The following GFI1B variants were observed in gnomAD, a reference collection of about 807,000 sequenced individuals.
The protein encoded by GFI1B is growth factor independent 1B transcriptional repressor.
GFI1B carries 20 observed loss-of-function variants against 35.3 expected under a neutral mutation model. The observed-to-expected ratio is 0.57, with a 90% CI of 0.40 to 0.82. The LOEUF (loss-of-function observed/expected upper bound fraction) is 0.82, where lower values mean the gene tolerates loss of function less well. Among genes scored for constraint, GFI1B ranks in the 40% least tolerant of loss-of-function variants. The pLI is 0.00. For missense variants in GFI1B, 430 were observed against 446.3 expected (o/e 0.96, Z 0.33); for synonymous variants, 178 against 177.6 (o/e 1.00, Z -0.02).
chr9:132,971,847 G>A (rs1223927371), intron 1 of GFI1B, among the ~76,000 whole-genome samples: 2 of 151,954 alleles, frequency 1.3e-5, no homozygotes, highest in Admixed American at 1.3e-4. Flanking sequence ...GGTGGCACGT[G>A]CCTGTAATCC....
chr9:132,966,029 A>G (rs934911201), intron 1 of GFI1B, among the ~76,000 whole-genome samples: 17 of 152,218 alleles, frequency 1.1e-4, no homozygotes, highest in African/African-American at 4.1e-4. Context: ...CCATGAGTTC[A>G]CAGCGATGCT....
intron 1 of GFI1B, among the ~76,000 whole-genome samples, chr9:132,961,185 A>G (rs1848355868): frequency 6.6e-6 from 1 of 152,194 alleles, no homozygotes; most frequent in Non-Finnish European, 1.5e-5. Context: ...CCTTTCTAAA[A>G]ATGGCTGAAC....
intron 1 of GFI1B, among the ~76,000 whole-genome samples, chr9:132,982,417 G>A (rs1446344457): frequency 6.6e-6 from 1 of 152,184 alleles, no homozygotes; most frequent in Non-Finnish European, 1.5e-5. Context: ...GGAAGTTAGG[G>A]TGCTGGCTCC....
At chr9:132,962,664 AT>A in intron 1 of GFI1B, 1 of 490,228 alleles carries the variant, frequency 2.0e-6, no homozygotes. Context: ...AGCTGGGTCT[AT>A]AAGGAATTAC....
At chr9:132,988,915 A>G in intron 4 of GFI1B, 146 bp from the exon 5 acceptor site, 1 of 762,642 alleles carries the variant, frequency 1.3e-6, no homozygotes, top group Non-Finnish European at 2.3e-6. Flanking sequence ...ACACACAGCA[A>G]GCAAGCAGCA....
rs1848134097 is a variant in GFI1B, at chr9:132,947,435, GAAAA to G, written c.-701+1768_-701+1771del. On this transcript the variant is annotated intron_variant, in intron 1 of 10. Transcript: ENST00000339463. ...AGCAAAAAAAAAAAAAAAAAAGAAA[GAAAA>G]AGAGAATTCATGAATCAGGCAGCCT... 2.8e-5 allele frequency among the ~76,000 whole-genome samples: 4 copies of G among 140,394 alleles called. No homozygotes were observed. The South Asian group carries it at 6.8e-4, about 24-fold the overall frequency. 92.1% of individuals were successfully genotyped at this position (140,394 alleles called of 152,430 possible).
chr9:132,976,706 T>C (rs1245561094), upstream of GFI1B: 1 of 152,162 alleles, frequency 6.6e-6, no homozygotes, highest in Non-Finnish European at 1.5e-5. Flanking sequence ...GAGGAGACAT[T>C]TGAGAACTTC....
intron 1 of GFI1B, among the ~76,000 whole-genome samples, chr9:132,961,039 T>A (rs1274104338): frequency 3.9e-5 from 6 of 152,112 alleles, no homozygotes; most frequent in Admixed American, 2.0e-4. Context: ...GCATATGCAG[T>A]GACCATTTGG....
At chr9:132,968,659 G>A (rs1848487054) in intron 1 of GFI1B, among the ~76,000 whole-genome samples, 1 of 152,110 alleles carries the variant, frequency 6.6e-6, no homozygotes, top group African/African-American at 2.4e-5. Context: ...GGTAAGAAGA[G>A]TCTGAGATCC....
intron 1 of GFI1B, among the ~76,000 whole-genome samples, chr9:132,984,205 A>G (rs1848938263): frequency 1.3e-5 from 2 of 152,106 alleles, no homozygotes; most frequent in South Asian, 4.1e-4. Flanking sequence ...GGGGAACCCC[A>G]CACCCCCAGT....
chr9:132,984,836 C>T (rs1001157967), intron 1 of GFI1B, among the ~76,000 whole-genome samples: 4 of 152,142 alleles, frequency 2.6e-5, no homozygotes, highest in African/African-American at 4.8e-5. Context: ...GGAAGCAGGC[C>T]TGGGCATAGT....
chr9:132,957,750 A>C (rs1429876385), intron 1 of GFI1B, among the ~76,000 whole-genome samples: 1 of 152,192 alleles, frequency 6.6e-6, no homozygotes, highest in East Asian at 1.9e-4. Context: ...AGAAAGTTAG[A>C]AAGCAGGAAC....
In GFI1B at chr9:132,980,093, G is replaced by A. The variant is rs148665413; in HGVS notation, c.-21+1252G>A. ...ATGCGTAATTCCCCTTGCTCTTTCT[G>A]TCAGAGTTTGGTCTTCCTGAAGAGA... On this transcript the variant is annotated intron_variant, in intron 1 of 6. Transcript: ENST00000372122. Among the ~76,000 whole-genome samples, 442 of 152,326 alleles carry A rather than the reference G, an allele frequency of 2.9e-3. 4 individuals carry two copies. The highest frequency in any genetic ancestry group is 0.024 in the Middle Eastern group (7 of 294).
chr9:132,966,371 AAAAAG>A (rs1049319012), intron 1 of GFI1B, among the ~76,000 whole-genome samples: 1 of 150,306 alleles, frequency 6.7e-6, no homozygotes, highest in African/African-American at 2.5e-5. Flanking sequence ...AAAGAAAAAA[AAAAAG>A]AAAAGAACAA....
chr9:132,975,840 G>A (rs1414416192), upstream of GFI1B, among the ~76,000 whole-genome samples: 1 of 152,248 alleles, frequency 6.6e-6, no homozygotes, highest in Non-Finnish European at 1.5e-5. Context: ...TGCTCACTAA[G>A]GGAAGTGCTG....
upstream of GFI1B, among the ~76,000 whole-genome samples, chr9:132,974,122 G>GGA (rs993685985): frequency 2.2e-4 from 34 of 151,608 alleles, no homozygotes; most frequent in African/African-American, 8.2e-4. Context: ...CCGAGATGAT[G>GGA]GAGAGAGAGT....
chr9:132,958,613 C>T (rs965526423), intron 1 of GFI1B, among the ~76,000 whole-genome samples: 31 of 152,196 alleles, frequency 2.0e-4, no homozygotes, highest in African/African-American at 7.2e-4. Flanking sequence ...AATCACCTCC[C>T]ACCAGACCCC....
At chr9:132,951,351 A>C (rs1324488661) in intron 1 of GFI1B, 1 of 152,188 alleles carries the variant, frequency 6.6e-6, no homozygotes, top group East Asian at 1.9e-4. Flanking sequence ...GACTGGGCAC[A>C]GCAGGGGCCC....
At chr9:132,980,391 G>C (rs1287528788) in intron 1 of GFI1B, among the ~76,000 whole-genome samples, 1 of 152,222 alleles carries the variant, frequency 6.6e-6, no homozygotes, top group Admixed American at 6.5e-5. Context: ...CCCCCTCTTA[G>C]TCTAGAGGGA....
Sources: gnomAD v4.1 joint callset for allele counts (sites outside exome capture counted in the v4.1 genomes callset) on GRCh38, gnomAD v4.1.1 for gene constraint, MANE v1.5 for transcripts, NCBI Gene and HGNC (gene_info 2026-07-23, HGNC 2026-07-21) for gene names.